The following UNC13C variants were observed in gnomAD, a reference collection of about 807,000 sequenced individuals.
UNC13C encodes the protein unc-13 homolog C.
UNC13C carries 174 observed loss-of-function variants against 245.4 expected under a neutral mutation model. The observed-to-expected ratio is 0.71, with a 90% confidence interval of 0.63 to 0.80. The LOEUF (loss-of-function observed/expected upper bound fraction) is 0.80, where lower values mean the gene tolerates loss of function less well. Among genes scored for constraint, UNC13C ranks in the 30% least tolerant of loss-of-function variants. The pLI, the probability that UNC13C is intolerant of heterozygous loss-of-function variation, is 0.00. For missense variants in UNC13C, 2,829 were observed against 2,602.9 expected (o/e 1.09, Z -1.89); for synonymous variants, 992 against 895.1 (o/e 1.11, Z -1.93).
At chr15:54,207,106 TTGA>T (rs948287087) in intron 4 of UNC13C, among the ~76,000 whole-genome samples, 11 of 149,846 alleles carry the variant, frequency 7.3e-5, no homozygotes, top group South Asian at 2.2e-4. Context: ...TGGCACTTTA[TTGA>T]TGATGATGAT....
intron 17 of UNC13C, among the ~76,000 whole-genome samples, chr15:54,376,772 C>G (rs540308529): frequency 1.3e-5 from 2 of 152,154 alleles, no homozygotes; most frequent in Non-Finnish European, 2.9e-5. Flanking sequence ...CCACATGAAA[C>G]ATATTTGAGA....
At chr15:54,175,915 G>T (rs1255187844) in intron 4 of UNC13C, among the ~76,000 whole-genome samples, 1 of 152,146 alleles carries the variant, frequency 6.6e-6, no homozygotes, top group African/African-American at 2.4e-5. Flanking sequence ...ATACTAAATA[G>T]AAATTTTTTT....
At chr15:54,624,786 C>T (rs1188068655) in intron 32 of UNC13C, among the ~76,000 whole-genome samples, 1 of 151,996 alleles carries the variant, frequency 6.6e-6, no homozygotes, top group African/African-American at 2.4e-5. Flanking sequence ...GGAGGTAGAA[C>T]ATGAAAGAGT....
intron 32 of UNC13C, among the ~76,000 whole-genome samples, chr15:54,625,343 C>T (rs2141318925): frequency 6.6e-6 from 1 of 152,108 alleles, no homozygotes; most frequent in Non-Finnish European, 1.5e-5. Flanking sequence ...TTGCAAACAG[C>T]AAAAAGGAGG....
At position 54,552,639 on chromosome 15, in the gene UNC13C, A is replaced by AAT. The variant is rs1566904966; in HGVS notation, c.5878-2789_5878-2788dup. Among the ~76,000 whole-genome samples, 26 of 75,414 alleles carry AAT rather than the reference A, an allele frequency of 3.4e-4. 2 individuals are homozygous for AAT. The highest frequency in any genetic ancestry group is 1.5e-3 in the African/African-American group (24 of 15,608). The allele number at this position is 75,414 out of a possible 152,430, so 49.5% of individuals were successfully genotyped here. On this transcript the variant is annotated intron_variant, in intron 28 of 32. Transcript: ENST00000260323. ...AATTATATTATATATTGTACAATAT[A>AAT]ATATAATTATATAATTATATTATAT...
chr15:53,982,082 C>T (rs7167408), intron 1 of UNC13C, among the ~76,000 whole-genome samples: 62 of 152,140 alleles, frequency 4.1e-4, no homozygotes, highest in African/African-American at 1.4e-3. Flanking sequence ...TCAGAGATTT[C>T]GAAGTATTTT....
the UNC13C span, chr15:53,947,622 T>C: frequency 1.3e-5 from 2 of 152,220 alleles, no homozygotes; most frequent in African/African-American, 2.4e-5. Flanking sequence ...GTTATGACTC[T>C]TGAGCTCTTT....
chr15:54,259,094 A>G lies in UNC13C; in HGVS notation c.3449-5074A>G, dbSNP rs78554082. ...GGGGCAAGTGAGCTCCCTTGAGCCT[A>G]TAAGGCCACTAATCCCATTCTTGAG... On this transcript the variant is annotated intron_variant, in intron 8 of 32. Coordinates refer to ENST00000260323, the MANE Select transcript of UNC13C (RefSeq NM_001080534.3). 2.7e-3 allele frequency among the ~76,000 whole-genome samples: 404 copies of G among 152,360 alleles called. 2 individuals are homozygous for G. The highest frequency in any genetic ancestry group is 9.3e-3 in the African/African-American group (388 of 41,596).
chr15:53,924,257 C>T, the UNC13C span, among the ~76,000 whole-genome samples: 14 of 152,128 alleles, frequency 9.2e-5, no homozygotes, highest in South Asian at 4.2e-4. Context: ...AGAGATAGCA[C>T]GGCACAGTTC....
intron 17 of UNC13C, among the ~76,000 whole-genome samples, chr15:54,359,820 T>A (rs900918482): frequency 6.6e-6 from 1 of 151,934 alleles, no homozygotes; most frequent in Non-Finnish European, 1.5e-5. Flanking sequence ...TTTTTCATAT[T>A]TTTAAAATCT....
At chr15:54,213,636 A>G (rs1433688721) in intron 4 of UNC13C, among the ~76,000 whole-genome samples, 1 of 152,062 alleles carries the variant, frequency 6.6e-6, no homozygotes, top group Non-Finnish European at 1.5e-5. Flanking sequence ...GAGAACATAC[A>G]TTTATTCTTG....
intron 29 of UNC13C, among the ~76,000 whole-genome samples, chr15:54,559,635 G>T (rs1271985292): frequency 1.3e-5 from 2 of 151,980 alleles, no homozygotes; most frequent in Non-Finnish European, 2.9e-5. Context: ...ATCAAAGGAT[G>T]GGGGAGGGCA....
chr15:54,017,484 ATGTG>A (rs3985786), intron 2 of UNC13C, among the ~76,000 whole-genome samples: 339 of 147,518 alleles, frequency 2.3e-3, no homozygotes, highest in African/African-American at 5.2e-3. Flanking sequence ...GTGCATGAGC[ATGTG>A]TGTGTGTGTG....
intron 14 of UNC13C, among the ~76,000 whole-genome samples, chr15:54,328,126 C>A (rs189517597): frequency 3.3e-5 from 5 of 152,074 alleles, no homozygotes; most frequent in Admixed American, 2.0e-4. Flanking sequence ...TCCTGTGAAG[C>A]GACTCTTTAA....
At chr15:54,462,585 G>T (rs1891908654) in intron 19 of UNC13C, among the ~76,000 whole-genome samples, 1 of 152,240 alleles carries the variant, frequency 6.6e-6, no homozygotes, top group Non-Finnish European at 1.5e-5. Flanking sequence ...GGAGTGAGGG[G>T]CTTAGCACCT....
intron 18 of UNC13C, among the ~76,000 whole-genome samples, chr15:54,413,398 C>CT (rs1307359705): frequency 1.3e-5 from 2 of 152,026 alleles, no homozygotes; most frequent in Non-Finnish European, 2.9e-5. Context: ...TTTGATGCCG[C>CT]ATATTAATTA....
chr15:54,305,048 CG>C (rs1234104505), intron 13 of UNC13C, among the ~76,000 whole-genome samples: 1 of 151,974 alleles, frequency 6.6e-6, no homozygotes, highest in African/African-American at 2.4e-5. Flanking sequence ...TTCTATTCCA[CG>C]ACTTACAAAT....
At chr15:54,419,717 G>T (rs969245938) in intron 19 of UNC13C, among the ~76,000 whole-genome samples, 5 of 152,060 alleles carry the variant, frequency 3.3e-5, no homozygotes, top group Non-Finnish European at 7.4e-5. Flanking sequence ...AGTGGACACT[G>T]ACATTCAAGG....
the UNC13C span, among the ~76,000 whole-genome samples, chr15:53,858,621 G>A: frequency 8.6e-5 from 13 of 151,784 alleles, no homozygotes; most frequent in East Asian, 5.8e-4. Context: ...GGGTTTCACC[G>A]TGTTGGTCAG....
Sources: allele counts gnomAD v4.1 joint callset (sites outside exome capture counted in the v4.1 genomes callset), GRCh38; gene constraint gnomAD v4.1.1; transcripts MANE v1.5; gene names NCBI Gene and HGNC (gene_info 2026-07-23, HGNC 2026-07-21).